Variants in HPSE2 observed in about 807,000 individuals in gnomAD.
HPSE2 encodes inactive heparanase-2.
Under a neutral mutation model 60.5 loss-of-function variants are expected in HPSE2, and 38 were observed. That is an observed-to-expected ratio of 0.63 (90% confidence interval 0.48 to 0.82). HPSE2 has a LOEUF of 0.82. Ranked by LOEUF, HPSE2 falls within the 40% of genes least tolerant of loss-of-function variation. HPSE2 has a pLI of 0.00. For synonymous variants in HPSE2, 295 were observed against 293.2 expected, an observed-to-expected ratio of 1.01 and a Z score of -0.06; for missense variants, 713 against 740.4, an observed-to-expected ratio of 0.96 and a Z score of 0.43.
intron 3 of HPSE2, among the ~76,000 whole-genome samples, chr10:99,099,509 T>C (rs1371272380): frequency 6.6e-6 from 1 of 152,132 alleles, no homozygotes; most frequent in African/African-American, 2.4e-5. Flanking sequence ...TTGAACTGGG[T>C]GGAACCCACC....
At chr10:99,314,042 TTCAGCAGCCACCACCCCGTCAG>T in the HPSE2 span, among the ~76,000 whole-genome samples, 2 of 152,110 alleles carry the variant, frequency 1.3e-5, no homozygotes, top group East Asian at 3.8e-4. Context: ...CACCCCAACC[TTCAGCAGCCACCACCCCGTCAG>T]TCAGCAAACA....
chr10:98,583,231 C>T (rs1944852592), intron 9 of HPSE2, among the ~76,000 whole-genome samples: 1 of 152,192 alleles, frequency 6.6e-6, no homozygotes, highest in Non-Finnish European at 1.5e-5. Flanking sequence ...TCACTTCATC[C>T]TCTTCATTTA....
At chr10:98,857,497 T>C (rs1379234613) in intron 3 of HPSE2, among the ~76,000 whole-genome samples, 3 of 152,114 alleles carry the variant, frequency 2.0e-5, no homozygotes, top group Non-Finnish European at 4.4e-5. Context: ...ACTTGAATCA[T>C]TCCCCAGTGT....
intron 3 of HPSE2, among the ~76,000 whole-genome samples, chr10:99,048,920 T>C (rs1957925087): frequency 2.0e-5 from 3 of 152,174 alleles, no homozygotes; most frequent in Admixed American, 6.5e-5. Flanking sequence ...CAAATCCTGT[T>C]ACTTGCAGCA....
At chr10:98,614,516 T>C (rs1256646911) in intron 9 of HPSE2, among the ~76,000 whole-genome samples, 4 of 152,088 alleles carry the variant, frequency 2.6e-5, no homozygotes, top group Non-Finnish European at 4.4e-5. Flanking sequence ...ATGGGCTCGA[T>C]CTCCTGACCT....
intron 6 of HPSE2, among the ~76,000 whole-genome samples, chr10:98,651,155 G>T (rs1946903095): frequency 6.6e-6 from 1 of 152,164 alleles, no homozygotes; most frequent in South Asian, 2.1e-4. Flanking sequence ...ACCTCACTAT[G>T]ATTCTTTTTA....
chr10:99,173,683 C>T (rs1211539843), intron 2 of HPSE2, among the ~76,000 whole-genome samples: 1 of 152,112 alleles, frequency 6.6e-6, no homozygotes, highest in Non-Finnish European at 1.5e-5. Context: ...GTGGCTCAAG[C>T]CTGTAATCTC....
intron 2 of HPSE2, among the ~76,000 whole-genome samples, chr10:99,148,776 GCGAAACTC>G (rs1846150262): frequency 6.8e-6 from 1 of 147,586 alleles, no homozygotes; most frequent in African/African-American, 2.5e-5. Flanking sequence ...GGCAAAAAGA[GCGAAACTC>G]CACTCAATCA....
At chr10:98,489,995 T>C in intron 10 of HPSE2, 56 bp downstream of exon 10, 2 of 1,605,238 alleles carry the variant, frequency 1.2e-6, no homozygotes, top group Non-Finnish European at 1.7e-6. Flanking sequence ...GGGTCCCAAA[T>C]GGTATGGGGT....
the HPSE2 span, among the ~76,000 whole-genome samples, chr10:99,313,064 G>A: frequency 2.6e-5 from 4 of 152,190 alleles, no homozygotes; most frequent in African/African-American, 9.7e-5. Flanking sequence ...GACCTCCCCA[G>A]AAGCTGAGCA....
At chr10:98,844,443 T>C (rs1951989090) in intron 3 of HPSE2, among the ~76,000 whole-genome samples, 1 of 152,210 alleles carries the variant, frequency 6.6e-6, no homozygotes, top group Non-Finnish European at 1.5e-5. Flanking sequence ...TACTAGTATG[T>C]CCAACCATAA....
the HPSE2 span, among the ~76,000 whole-genome samples, chr10:99,256,444 C>T: frequency 5.4e-5 from 7 of 129,634 alleles, no homozygotes; most frequent in African/African-American, 2.0e-4. Context: ...CAATCTTAGA[C>T]TTCCCAGCGT....
chr10:99,219,774 A>T (rs538522376), intron 2 of HPSE2, among the ~76,000 whole-genome samples: 1 of 152,312 alleles, frequency 6.6e-6, no homozygotes, highest in African/African-American at 2.4e-5. Flanking sequence ...ACAAATGTAA[A>T]GTGTAATTAT....
At chr10:99,266,813 C>A in the HPSE2 span, among the ~76,000 whole-genome samples, 1 of 152,166 alleles carries the variant, frequency 6.6e-6, no homozygotes, top group South Asian at 2.1e-4. Context: ...GAAGATTGTT[C>A]ACATCACACG....
At chr10:99,094,961 G>C (rs1391125920) in intron 3 of HPSE2, among the ~76,000 whole-genome samples, 1 of 152,108 alleles carries the variant, frequency 6.6e-6, no homozygotes, top group African/African-American at 2.4e-5. Flanking sequence ...GCCAAGGTGG[G>C]AGGATCGCTT....
At chr10:99,139,471 A>T (rs112747537) in intron 3 of HPSE2, among the ~76,000 whole-genome samples, 12 of 151,822 alleles carry the variant, frequency 7.9e-5, no homozygotes, top group African/African-American at 2.6e-4. Flanking sequence ...TAATGAATAA[A>T]CAAAACTAAA....
At chr10:98,877,499 G>A (rs1952909714) in intron 3 of HPSE2, among the ~76,000 whole-genome samples, 2 of 151,512 alleles carry the variant, frequency 1.3e-5, no homozygotes, top group Non-Finnish European at 3.0e-5. Context: ...TTTTCTTATC[G>A]ATAAAGTGGG....
At chr10:98,792,910 T>C (rs1476811164) in intron 3 of HPSE2, among the ~76,000 whole-genome samples, 1 of 152,206 alleles carries the variant, frequency 6.6e-6, no homozygotes, top group Admixed American at 6.5e-5. Flanking sequence ...AGGAACGTTG[T>C]TACTTAGGGC....
chr10:98,721,913 T>G, intron 4 of HPSE2, 85 bp from the exon 5 acceptor site: 1 of 1,123,164 alleles, frequency 8.9e-7, no homozygotes, highest in Non-Finnish European at 1.3e-6. Flanking sequence ...CTCTGCCTTT[T>G]TCTTAATAAT....
Sources: allele counts gnomAD v4.1 joint callset (sites outside exome capture counted in the v4.1 genomes callset), GRCh38; gene constraint gnomAD v4.1.1; transcripts MANE v1.5; gene names NCBI Gene and HGNC (gene_info 2026-07-23, HGNC 2026-07-21).